Variants in CTNNA3 observed in about 807,000 individuals in gnomAD.
CTNNA3 encodes catenin alpha 3, also known as catenin alpha-3.
Under a neutral mutation model 95.7 loss-of-function variants are expected in CTNNA3, and 76 were observed. That is an observed-to-expected ratio of 0.79 (90% CI 0.66 to 0.96). The LOEUF (loss-of-function observed/expected upper bound fraction) is 0.96, where lower values mean the gene tolerates loss of function less well. Ranked by LOEUF, CTNNA3 falls within the 40% of genes least tolerant of loss-of-function variation. CTNNA3 has a pLI of 0.00. For synonymous variants in CTNNA3, 431 were observed against 374.4 expected, an observed-to-expected ratio of 1.15 and a Z score of -1.74; for missense variants, 1,191 against 1,089.8, an observed-to-expected ratio of 1.09 and a Z score of -1.31.
chr10:67,291,096 A>G (rs535126174), intron 5 of CTNNA3, among the ~76,000 whole-genome samples: 1 of 152,280 alleles, frequency 6.6e-6, no homozygotes, highest in South Asian at 2.1e-4. Flanking sequence ...TTTTGGCTAT[A>G]TAATAAATTG....
At chr10:67,046,597 T>A (rs1026734827) in intron 7 of CTNNA3, among the ~76,000 whole-genome samples, 1 of 152,104 alleles carries the variant, frequency 6.6e-6, no homozygotes, top group Non-Finnish European at 1.5e-5. Flanking sequence ...TAATCTATGA[T>A]CTTCACCACC....
chr10:66,841,907 C>A (rs959537690), intron 7 of CTNNA3, among the ~76,000 whole-genome samples: 4 of 151,924 alleles, frequency 2.6e-5, no homozygotes, highest in Non-Finnish European at 5.9e-5. Flanking sequence ...AAAGACTATA[C>A]CTCTGTGGCA....
At chr10:66,429,666 G>A (rs191777427) in intron 11 of CTNNA3, among the ~76,000 whole-genome samples, 198 of 152,094 alleles carry the variant, frequency 1.3e-3, no homozygotes, top group Non-Finnish European at 2.1e-3. Context: ...TGATTATTTC[G>A]ATAGATGCAG....
intron 13 of CTNNA3, among the ~76,000 whole-genome samples, chr10:66,190,873 C>A (rs1354946640): frequency 6.6e-6 from 1 of 152,126 alleles, no homozygotes; most frequent in South Asian, 2.1e-4. Flanking sequence ...CCAGGACCCT[C>A]CACTTTCATA....
chr10:67,335,808 T>C (rs1209599450), intron 5 of CTNNA3, among the ~76,000 whole-genome samples: 1 of 152,190 alleles, frequency 6.6e-6, no homozygotes, highest in African/African-American at 2.4e-5. Flanking sequence ...ATCGACAACG[T>C]TGAGAACTTA....
intron 9 of CTNNA3, among the ~76,000 whole-genome samples, chr10:66,720,092 G>A (rs970723138): frequency 1.3e-5 from 2 of 152,032 alleles, no homozygotes; most frequent in Non-Finnish European, 2.9e-5. Context: ...TGCACTCCAG[G>A]TAATTAAATG....
intron 17 of CTNNA3, among the ~76,000 whole-genome samples, chr10:65,962,740 T>C (rs1024690706): frequency 5.0e-5 from 7 of 139,754 alleles, no homozygotes; most frequent in African/African-American, 1.9e-4. Context: ...CAGTGAGTGA[T>C]GTTCCCCTCC....
intron 2 of CTNNA3, among the ~76,000 whole-genome samples, chr10:67,623,961 A>C (rs1843937017): frequency 6.6e-6 from 1 of 152,070 alleles, no homozygotes; most frequent in African/African-American, 2.4e-5. Context: ...GGATTAGATT[A>C]CAGGCATGCA....
intron 12 of CTNNA3, among the ~76,000 whole-genome samples, chr10:66,362,718 C>T (rs549281705): frequency 1.6e-4 from 24 of 149,580 alleles, no homozygotes; most frequent in African/African-American, 4.2e-4. Flanking sequence ...TTCCCCCTGC[C>T]GACCAAAAAA....
chr10:66,254,146 C>T (rs778860523), intron 13 of CTNNA3, among the ~76,000 whole-genome samples: 39 of 152,152 alleles, frequency 2.6e-4, no homozygotes, highest in Non-Finnish European at 1.9e-4. Context: ...ACTAAATACA[C>T]TCCCTGAAGG....
intron 7 of CTNNA3, among the ~76,000 whole-genome samples, chr10:66,920,932 A>G (rs1846753132): frequency 6.6e-6 from 1 of 152,172 alleles, no homozygotes; most frequent in African/African-American, 2.4e-5. Flanking sequence ...CCCTGGCCCA[A>G]ACACCATCAT....
chr10:67,334,600 GC>G (rs1841918507), intron 5 of CTNNA3: 1 of 152,402 alleles, frequency 6.6e-6, no homozygotes, highest in South Asian at 2.1e-4. Flanking sequence ...CTGAGGGCTC[GC>G]CCTGTATCCT....
intron 7 of CTNNA3, among the ~76,000 whole-genome samples, chr10:67,037,065 A>T (rs1257013686): frequency 6.6e-6 from 1 of 152,106 alleles, no homozygotes; most frequent in Non-Finnish European, 1.5e-5. Flanking sequence ...AAATGGTTGG[A>T]GTGAAGTGAG....
At chr10:66,883,539 G>A (rs1844924888) in intron 7 of CTNNA3, among the ~76,000 whole-genome samples, 1 of 152,118 alleles carries the variant, frequency 6.6e-6, no homozygotes, top group Non-Finnish European at 1.5e-5. Flanking sequence ...GCTGTCTTCA[G>A]TGCCTTACAT....
At chr10:67,279,918 C>A (rs944658934) in intron 5 of CTNNA3, among the ~76,000 whole-genome samples, 1 of 150,430 alleles carries the variant, frequency 6.6e-6, no homozygotes, top group African/African-American at 2.5e-5. Context: ...AAATTTCATT[C>A]ATTGATAAAA....
chr10:66,623,287 T>C (rs1844815315), intron 9 of CTNNA3, among the ~76,000 whole-genome samples: 1 of 152,096 alleles, frequency 6.6e-6, no homozygotes, highest in Admixed American at 6.6e-5. Context: ...TAAAAATCAT[T>C]GGCTCAATGT....
At chr10:67,032,369 T>C (rs1853782352) in intron 7 of CTNNA3, among the ~76,000 whole-genome samples, 1 of 152,158 alleles carries the variant, frequency 6.6e-6, no homozygotes, top group African/African-American at 2.4e-5. Flanking sequence ...TTTGCCTACT[T>C]TCCTCAATAG....
Position 67,564,663 on chromosome 10 carries a change from A to ATGTG in CTNNA3, c.293-24998_293-24995dup, listed in dbSNP as rs1201263970. Among the ~76,000 whole-genome samples, 153 of 95,436 alleles carry ATGTG rather than the reference A, an allele frequency of 1.6e-3. 1 individual carries two copies. Among genetic ancestry groups the ATGTG allele is most frequent in the African/African-American group, 6.4e-3 (126 of 19,808 alleles). The allele number at this position is 95,436 out of a possible 152,430, so 62.6% of individuals were successfully genotyped here. On this transcript the variant is annotated intron_variant, in intron 3 of 17. Coordinates refer to ENST00000433211, the MANE Select transcript of CTNNA3 (RefSeq NM_013266.4). Reference sequence around the variant, plus strand: ...ATAACAACTGTATATATATGCATATATGTGTGTGTGTGTGTATATATATAT... The same window carrying ATGTG: ...ATAACAACTGTATATATATGCATATATGTGTGTGTGTGTGTGTGTATATATATAT...
In CTNNA3 at chr10:67,689,015, G is replaced by C. The variant is rs571217334; in HGVS notation, c.-6+6985C>G. ...ACCTGCATTCTTGCCTGTCCTCTTA[G>C]ACCACAAAGAGGACCAAGAAAAATT... On this transcript the variant is annotated intron_variant, in intron 1 of 17. Transcript: ENST00000433211. Among the ~76,000 whole-genome samples the C allele has an allele frequency of 3.9e-5, 6 of 152,156 alleles. No homozygotes were observed. The East Asian group carries it at 9.7e-4, about 25-fold the overall frequency.
Sources: gnomAD v4.1 joint callset for allele counts (sites outside exome capture counted in the v4.1 genomes callset) on GRCh38, gnomAD v4.1.1 for gene constraint, MANE v1.5 for transcripts, NCBI Gene and HGNC (gene_info 2026-07-23, HGNC 2026-07-21) for gene names.